NDUFAF6: variants seen among roughly 807,000 people sequenced by gnomAD.
The protein encoded by NDUFAF6 is NADH dehydrogenase (ubiquinone) complex I, assembly factor 6.
A neutral mutation model predicts 40.8 loss-of-function variants in NDUFAF6; 45 were observed. That is an observed-to-expected ratio of 1.10 (90% confidence interval 0.87 to 1.42). NDUFAF6 has a LOEUF of 1.42. Ranked by LOEUF, NDUFAF6 falls within the 40% of genes most tolerant of loss-of-function variation. NDUFAF6 has a pLI of 0.00. For synonymous variants in NDUFAF6, 185 were observed against 155.9 expected, an observed-to-expected ratio of 1.19 and a Z score of -1.39; for missense variants, 435 against 418.5, an observed-to-expected ratio of 1.04 and a Z score of -0.34.
intron 1 of NDUFAF6, among the ~76,000 whole-genome samples, chr8:94,959,952 CA>C (rs1823429268): frequency 6.6e-6 from 1 of 152,216 alleles, no homozygotes; most frequent in Non-Finnish European, 1.5e-5. Context: ...CACCAAGGAT[CA>C]CGTGGTTTTG....
chr8:94,916,890 G>A (rs374577183), intron 1 of NDUFAF6, among the ~76,000 whole-genome samples: 6 of 150,230 alleles, frequency 4.0e-5, no homozygotes, highest in East Asian at 3.9e-4. Flanking sequence ...CTAGGCAGGC[G>A]AATCACGAGG....
chr8:95,101,689 T>A (rs77657677), intron 2 of NDUFAF6, among the ~76,000 whole-genome samples: 1,546 of 152,364 alleles, frequency 0.01, 8 homozygotes, highest in Non-Finnish European at 0.015. Context: ...AGAAGATGAC[T>A]CTTCCTAGGT....
intron 1 of NDUFAF6, among the ~76,000 whole-genome samples, chr8:94,937,167 C>T (rs545063426): frequency 6.6e-6 from 1 of 152,290 alleles, no homozygotes; most frequent in Non-Finnish European, 1.5e-5. Flanking sequence ...CCAAAGGACA[C>T]ACTATACAGC....
At chr8:95,023,165 A>C (rs1487246996), upstream of NDUFAF6, 1 of 152,158 alleles carries the variant, frequency 6.6e-6, no homozygotes, top group Non-Finnish European at 1.5e-5. Context: ...GTTTCCTTTT[A>C]TTAGTGAAGC....
intron 8 of NDUFAF6, among the ~76,000 whole-genome samples, chr8:95,057,203 TAATC>T (rs1422360129): frequency 1.3e-5 from 2 of 152,180 alleles, no homozygotes; most frequent in African/African-American, 2.4e-5. Context: ...ATTTATAAAT[TAATC>T]AAGACAATTG....
At chr8:95,063,740 T>C (rs1832628238) in intron 9 of NDUFAF6, among the ~76,000 whole-genome samples, 1 of 152,182 alleles carries the variant, frequency 6.6e-6, no homozygotes. Context: ...ACATAATGAA[T>C]TTCTCAGGGA....
chr8:94,935,126 G>T (rs201579488), intron 1 of NDUFAF6, among the ~76,000 whole-genome samples: 60 of 97,804 alleles, frequency 6.1e-4, no homozygotes, highest in Admixed American at 2.0e-3. Context: ...TAGGTAGATA[G>T]ATATAGATAG....
intron 1 of NDUFAF6, among the ~76,000 whole-genome samples, chr8:94,906,830 C>G (rs79654160): frequency 0.013 from 2,024 of 152,258 alleles, 42 homozygotes; most frequent in African/African-American, 0.044. Flanking sequence ...TGCCATTGCC[C>G]CTGTGCTTTA....
chr8:95,053,724 C>G (rs1831722896), intron 8 of NDUFAF6, among the ~76,000 whole-genome samples: 1 of 151,618 alleles, frequency 6.6e-6, no homozygotes, highest in South Asian at 2.1e-4. Flanking sequence ...CTCCCAGGTT[C>G]AAGTGATTCT....
chr8:94,967,662 C>T (rs552903329), intron 1 of NDUFAF6, among the ~76,000 whole-genome samples: 48 of 152,058 alleles, frequency 3.2e-4, no homozygotes, highest in Non-Finnish European at 5.6e-4. Context: ...CACCGCACCA[C>T]GGGCGCGGTG....
chr8:95,008,473 A>G lies in NDUFAF6; in HGVS notation c.-83-23522A>G, dbSNP rs550140877. On this transcript the variant is annotated intron_variant, in intron 2 of 9. Transcript: ENST00000396111. ...AGGAATTCTATCCAGAGCTAGTACT[A>G]AAAACAGTAATTAATATTATTAGTT... 2.5e-3 allele frequency among the ~76,000 whole-genome samples: 381 copies of G among 152,296 alleles called. 4 individuals carry two copies. The highest frequency in any genetic ancestry group is 8.7e-3 in the African/African-American group (363 of 41,558).
At position 95,035,528 on chromosome 8, in the gene NDUFAF6, A is replaced by G. The variant is rs746500203; in HGVS notation, c.372A>G (p.Ile124Met). ...TTTGGAAAAAAACTGTGGAAGATATATACTGTGACAATCCACCACATCAGC... is the reference window on the plus strand; with the variant it reads ...TTTGGAAAAAAACTGTGGAAGATATGTACTGTGACAATCCACCACATCAGC... ...MQFWKKTVED[I>M]YCDNPPHQPV... Residue 124 changes from isoleucine (I) to methionine (M), a missense_variant, in exon 3 of 9, where the codon ATA becomes ATG. Transcript: ENST00000396124. 3 of 1,613,566 alleles carry G rather than the reference A, an allele frequency of 1.9e-6. No homozygotes were observed. The highest frequency in any genetic ancestry group is 2.7e-5 in the African/African-American group (2 of 74,884).
intron 1 of NDUFAF6, among the ~76,000 whole-genome samples, chr8:94,969,619 T>C (rs1056404701): frequency 4.0e-5 from 6 of 151,710 alleles, no homozygotes; most frequent in African/African-American, 1.5e-4. Flanking sequence ...CCAGCCTGGT[T>C]CACAGAGCAA....
At chr8:94,909,764 T>C (rs1818644028) in intron 1 of NDUFAF6, among the ~76,000 whole-genome samples, 1 of 150,816 alleles carries the variant, frequency 6.6e-6, no homozygotes, top group African/African-American at 2.4e-5. Flanking sequence ...ATCTCTAAAA[T>C]AAATAAATAA....
chr8:95,019,114 G>A (rs904467614), intron 2 of NDUFAF6, among the ~76,000 whole-genome samples: 1 of 152,142 alleles, frequency 6.6e-6, no homozygotes, highest in African/African-American at 2.4e-5. Flanking sequence ...AGCTTCAAGC[G>A]GTTCTCCTGC....
chr8:95,102,859 A>C (rs1049958150), intron 2 of NDUFAF6: 2 of 152,202 alleles, frequency 1.3e-5, no homozygotes, highest in Non-Finnish European at 2.9e-5. Flanking sequence ...ATAGTAAAAA[A>C]ATACTTTGGG....
At chr8:94,910,147 T>G (rs931608523) in intron 1 of NDUFAF6, among the ~76,000 whole-genome samples, 1 of 152,010 alleles carries the variant, frequency 6.6e-6, no homozygotes, top group Non-Finnish European at 1.5e-5. Context: ...CTTTTTTTTG[T>G]TTGTTTTTTT....
intron 1 of NDUFAF6, among the ~76,000 whole-genome samples, chr8:94,924,223 G>A (rs1413939607): frequency 2.6e-5 from 4 of 151,954 alleles, no homozygotes; most frequent in African/African-American, 7.3e-5. Context: ...CACCACGCCC[G>A]TCTAATTTTT....
downstream of NDUFAF6, among the ~76,000 whole-genome samples, chr8:95,079,750 T>C (rs975857510): frequency 2.6e-5 from 4 of 152,034 alleles, no homozygotes; most frequent in Non-Finnish European, 5.9e-5. Context: ...GGTCTTGCTT[T>C]GTCGCCTAGG....
Sources: allele counts gnomAD v4.1 joint callset (sites outside exome capture counted in the v4.1 genomes callset), GRCh38; gene constraint gnomAD v4.1.1; transcripts MANE v1.5; gene names NCBI Gene and HGNC (gene_info 2026-07-23, HGNC 2026-07-21).